The following ARFGEF3 variants were observed in gnomAD, a reference collection of about 807,000 sequenced individuals.
ARFGEF3 encodes the protein brefeldin A-inhibited guanine nucleotide-exchange protein 3.
In ARFGEF3, 96 loss-of-function variants were observed where a neutral mutation model predicts 221.7. That is an observed-to-expected ratio of 0.43 (90% CI 0.37 to 0.51). The LOEUF (loss-of-function observed/expected upper bound fraction) is 0.51. Among genes scored for constraint, ARFGEF3 ranks in the 20% least tolerant of loss-of-function variants. The probability of loss-of-function intolerance (pLI) is 0.00; values close to 1 mark genes in which losing one functional copy is unlikely to be tolerated. For missense variants in ARFGEF3, 2,410 were observed against 2,789.9 expected (o/e 0.86, Z 3.07); for synonymous variants, 1,145 against 1,126.8 (o/e 1.02, Z -0.32).
chr6:138,221,577 CA>C (rs1777983016), intron 4 of ARFGEF3, among the ~76,000 whole-genome samples: 1 of 151,910 alleles, frequency 6.6e-6, no homozygotes, highest in Admixed American at 6.6e-5. Flanking sequence ...AAGACTTGGC[CA>C]GGGGAGAAGG....
In ARFGEF3 at chr6:138,335,008, G is replaced by T. The variant is rs758114306; in HGVS notation, c.6162G>T (p.Leu2054=). 22 of 1,588,124 alleles carry T rather than the reference G, an allele frequency of 1.4e-5. No homozygotes were observed. The South Asian group carries it at 2.5e-4, about 18-fold the overall frequency. The change falls in exon 33 of 34, where the codon CTG becomes CTT. Residue 2054 remains leucine, a synonymous_variant. Transcript: ENST00000251691. ...EVKVEKKGEP[L]GPRGQDSPLL... ...AAGTGGAGAAGAAAGGAGAGCCACTGGGTCCCAGGGGCCAGGACTCCCCGC... is the reference window on the plus strand; with the variant it reads ...AAGTGGAGAAGAAAGGAGAGCCACTTGGTCCCAGGGGCCAGGACTCCCCGC...
At chr6:138,317,763 G>A (rs1779952081) in intron 27 of ARFGEF3, among the ~76,000 whole-genome samples, 1 of 152,120 alleles carries the variant, frequency 6.6e-6, no homozygotes, top group African/African-American at 2.4e-5. Flanking sequence ...TTGGGCTGTT[G>A]GTTGGGCTTA....
intron 12 of ARFGEF3, among the ~76,000 whole-genome samples, chr6:138,277,443 G>A (rs750488689): frequency 3.9e-5 from 6 of 152,184 alleles, no homozygotes; most frequent in Non-Finnish European, 7.3e-5. Flanking sequence ...ATGTACAAAC[G>A]TCTGTTCAAA....
intron 8 of ARFGEF3, among the ~76,000 whole-genome samples, chr6:138,250,290 T>C (rs1409706605): frequency 6.6e-6 from 1 of 152,222 alleles, no homozygotes; most frequent in Non-Finnish European, 1.5e-5. Context: ...TAGAATCCTA[T>C]GTTAGGCAAG....
At chr6:138,294,490 C>T (rs1202591303) in intron 20 of ARFGEF3, among the ~76,000 whole-genome samples, 2 of 152,226 alleles carry the variant, frequency 1.3e-5, no homozygotes, top group Non-Finnish European at 2.9e-5. Context: ...CCACACACCT[C>T]TGTCCAGCCA....
At chr6:138,298,478 G>C (rs1453045655) in intron 21 of ARFGEF3, 128 bp from the exon 22 acceptor site, 2 of 676,358 alleles carry the variant, frequency 3.0e-6, no homozygotes, top group Non-Finnish European at 4.9e-6. Context: ...TTATCCCTTA[G>C]AATGTTTTGA....
intron 2 of ARFGEF3, among the ~76,000 whole-genome samples, chr6:138,191,085 ACTCACTGAGAAAGTTCCTAG>A (rs1025244713): frequency 5.9e-5 from 9 of 152,044 alleles, no homozygotes; most frequent in South Asian, 4.2e-4. Context: ...AAATGAGCTA[ACTCACTGAGAAAGTTCCTAG>A]CTCACTGAGA....
chr6:138,252,633 G>T (rs1459116113), intron 8 of ARFGEF3, among the ~76,000 whole-genome samples: 1 of 152,074 alleles, frequency 6.6e-6, no homozygotes, highest in African/African-American at 2.4e-5. Flanking sequence ...CTTCTCCTGG[G>T]GGTAATTTGA....
At chr6:138,219,982 AT>A (rs1011739316) in intron 4 of ARFGEF3, among the ~76,000 whole-genome samples, 3 of 151,398 alleles carry the variant, frequency 2.0e-5, no homozygotes, top group African/African-American at 4.9e-5. Context: ...TGTGTATAGG[AT>A]TTTTTTTCTT....
rs138930507 is a variant in ARFGEF3 at position 138,243,045 on chromosome 6, G to A, written c.586+51G>A. ...CAGTTTTTAAAGCAGGTGTGAGAAT[G>A]CCTACTGTGTGCTTGGAGTGAGGGG... On this transcript the variant is annotated intron_variant, in intron 7 of 33. Coordinates refer to ENST00000251691, the MANE Select transcript of ARFGEF3 (RefSeq NM_020340.5). 1.6e-4 allele frequency: 232 copies of A among 1,424,770 alleles called. No individual in the cohort carries two copies. In the African/African-American group the frequency reaches 2.9e-3, roughly 18 times the overall value. 88.3% of individuals were successfully genotyped at this position (1,424,770 alleles called of 1,614,324 possible). A position where few individuals can be genotyped will look rare whatever the true frequency, so the allele number is the denominator to read the frequency against.
intron 5 of ARFGEF3, among the ~76,000 whole-genome samples, chr6:138,231,031 C>T (rs1018467538): frequency 2.6e-5 from 4 of 152,070 alleles, no homozygotes; most frequent in African/African-American, 9.7e-5. Context: ...ACTGCCCCTG[C>T]TGATGGAACT....
At chr6:138,236,297 A>T (rs1778286399) in intron 5 of ARFGEF3, among the ~76,000 whole-genome samples, 1 of 152,224 alleles carries the variant, frequency 6.6e-6, no homozygotes, top group Non-Finnish European at 1.5e-5. Context: ...GATCTTGAAG[A>T]TCAACAGTTA....
At chr6:138,249,017 A>G (rs1194239780) in intron 8 of ARFGEF3, among the ~76,000 whole-genome samples, 1 of 152,118 alleles carries the variant, frequency 6.6e-6, no homozygotes, top group African/African-American at 2.4e-5. Flanking sequence ...GGTTCCAGCC[A>G]CCCAGGAACC....
chr6:138,222,932 T>C (rs531929991), intron 4 of ARFGEF3, among the ~76,000 whole-genome samples: 3 of 152,244 alleles, frequency 2.0e-5, no homozygotes, highest in African/African-American at 7.2e-5. Flanking sequence ...ATAATTTAAA[T>C]TGAAGTAAGA....
At chr6:138,226,697 A>G (rs1778090821) in intron 4 of ARFGEF3, among the ~76,000 whole-genome samples, 1 of 152,242 alleles carries the variant, frequency 6.6e-6, no homozygotes, top group Non-Finnish European at 1.5e-5. Context: ...ATGTTAATCT[A>G]AACTTGTTGC....
At chr6:138,284,678 G>A (rs887289550) in intron 14 of ARFGEF3, among the ~76,000 whole-genome samples, 1 of 152,228 alleles carries the variant, frequency 6.6e-6, no homozygotes, top group African/African-American at 2.4e-5. Flanking sequence ...AGAGAGGCCT[G>A]GATGGGAGTC....
chr6:138,200,065 G>T (rs1777504732), intron 2 of ARFGEF3, among the ~76,000 whole-genome samples: 1 of 152,130 alleles, frequency 6.6e-6, no homozygotes, highest in Non-Finnish European at 1.5e-5. Context: ...TGCCAATTTT[G>T]CTGAGGGTTT....
chr6:138,306,910 A>G (rs1779735697), intron 22 of ARFGEF3, among the ~76,000 whole-genome samples: 1 of 151,576 alleles, frequency 6.6e-6, no homozygotes, highest in African/African-American at 2.4e-5. Context: ...AAAGCTGTGG[A>G]AAAATATTTG....
intron 2 of ARFGEF3, among the ~76,000 whole-genome samples, chr6:138,177,688 C>G (rs76037364): frequency 0.04 from 6,135 of 152,060 alleles, 137 homozygotes; most frequent in Middle Eastern, 0.092. Context: ...TATTTTGCCT[C>G]ACTGTATTAT....
Sources: gnomAD v4.1 joint callset for allele counts (sites outside exome capture counted in the v4.1 genomes callset) on GRCh38, gnomAD v4.1.1 for gene constraint, MANE v1.5 for transcripts, NCBI Gene and HGNC (gene_info 2026-07-23, HGNC 2026-07-21) for gene names.